The following NPHP1 variants were observed in gnomAD, a reference collection of about 807,000 sequenced individuals.
NPHP1 encodes the protein nephrocystin-1.
In NPHP1, 70 loss-of-function variants were observed where a neutral mutation model predicts 90.4. The ratio of observed to expected loss-of-function variants is 0.77; its 90% CI spans 0.64 to 0.95. NPHP1 has a LOEUF of 0.95. Ranked by LOEUF, NPHP1 falls within the 40% of genes least tolerant of loss-of-function variation. The pLI is 0.00. For missense variants in NPHP1, 764 were observed against 795.9 expected (o/e 0.96, Z 0.48); for synonymous variants, 256 against 271.7 (o/e 0.94, Z 0.57).
chr2:110,170,135 AAC>A (rs1216464681), intron 4 of NPHP1, 137 bp from the exon 5 acceptor site: 1 of 1,198,256 alleles, frequency 8.3e-7, no homozygotes, highest in Non-Finnish European at 1.2e-6. Flanking sequence ...AAATACAAAG[AAC>A]AGTTTCTACC....
In NPHP1 at chr2:110,169,837, G is replaced by T. The variant is rs1682989360; in HGVS notation, c.491C>A (p.Thr164Asn). ...TGTAAGATCTCCAACTTGCTGAGCAGTAAAATCTCCAACAGCGATGTATTC... is the reference window on the plus strand; with the variant it reads ...TGTAAGATCTCCAACTTGCTGAGCATTAAAATCTCCAACAGCGATGTATTC... Reference protein sequence around the residue: ...GEEYIAVGDFTAQQVGDLTFK... With the variant: ...GEEYIAVGDFNAQQVGDLTFK... Residue 164 changes from threonine (T) to asparagine (N), a missense_variant, in exon 5 of 20, where the codon ACT (threonine) becomes AAT (asparagine). Physicochemically the swap from Thr to Asn is moderately conservative, Grantham distance 65. Coordinates refer to ENST00000445609, the MANE Select transcript of NPHP1 (RefSeq NM_001128178.3). 6.2e-7 allele frequency: 1 copy of T among 1,613,542 alleles called. No homozygotes were observed. The highest frequency in any genetic ancestry group is 8.5e-7 in the Non-Finnish European group (1 of 1,179,602).
Position 110,180,648 on chromosome 2 carries a change from G to A in NPHP1, c.144-964C>T, listed in dbSNP as rs138643844. 4.8e-3 allele frequency among the ~76,000 whole-genome samples: 730 copies of A among 152,046 alleles called. 4 individuals carry two copies. Among genetic ancestry groups the A allele is most frequent in the Admixed American group, 7.9e-3 (121 of 15,294 alleles). On this transcript the variant is annotated intron_variant, in intron 2 of 19. Transcript: ENST00000445609. ...CAGGTTCTCACATTGAGACTGACAA[G>A]GCAAACACCTTGACCCATGAGAATG...
At chr2:110,184,712 A>G (rs1201227182) in intron 2 of NPHP1, 1 of 721,568 alleles carries the variant, frequency 1.4e-6, no homozygotes, top group Non-Finnish European at 2.6e-6. Context: ...TGAGTTTGAG[A>G]TTGTCAAGGC....
chr2:110,193,690 T>A (rs1442387285), intron 2 of NPHP1, among the ~76,000 whole-genome samples: 2 of 152,094 alleles, frequency 1.3e-5, no homozygotes, highest in African/African-American at 4.8e-5. Context: ...CCAACCCAAA[T>A]CAACAGAATA....
chr2:110,141,302 T>C (rs1680607187), intron 16 of NPHP1, among the ~76,000 whole-genome samples: 2 of 152,186 alleles, frequency 1.3e-5, no homozygotes, highest in African/African-American at 4.8e-5. Context: ...ATTGTGTTAG[T>C]TACCATGTGC....
At chr2:110,133,655 T>C (rs1679953297) in intron 16 of NPHP1, among the ~76,000 whole-genome samples, 1 of 152,038 alleles carries the variant, frequency 6.6e-6, no homozygotes, top group Non-Finnish European at 1.5e-5. Context: ...TTAATAAATT[T>C]AAAAATATTG....
At chr2:110,172,150 C>T (rs1432169707) in intron 4 of NPHP1, among the ~76,000 whole-genome samples, 1 of 152,052 alleles carries the variant, frequency 6.6e-6, no homozygotes, top group Non-Finnish European at 1.5e-5. Context: ...TTTAAAGAAA[C>T]TAATTTTATC....
intron 16 of NPHP1, among the ~76,000 whole-genome samples, chr2:110,136,744 C>A (rs540462852): frequency 6.6e-6 from 1 of 152,238 alleles, no homozygotes; most frequent in East Asian, 1.9e-4. Context: ...AATGGCTATA[C>A]CGCCCAAGGT....
chr2:110,196,502 A>T (rs570315904), intron 2 of NPHP1, among the ~76,000 whole-genome samples: 7 of 152,266 alleles, frequency 4.6e-5, no homozygotes, highest in African/African-American at 1.7e-4. Flanking sequence ...AAGTCAGGAA[A>T]CAACAAGTGC....
chr2:110,134,914 T>C (rs1680053897), intron 16 of NPHP1, among the ~76,000 whole-genome samples: 1 of 151,974 alleles, frequency 6.6e-6, no homozygotes, highest in African/African-American at 2.4e-5. Flanking sequence ...TCCTCTAAGA[T>C]AAGGAACAAG....
rs760962092 is a variant in NPHP1 at position 110,162,256 on chromosome 2, A to G, written c.860-559T>C. ...TTGAATGGGAGGAAAATTTTCTTAG[A>G]AAATAAGTAGACAAGCAAATAAATA... On this transcript the variant is annotated intron_variant, in intron 9 of 19. Coordinates refer to ENST00000445609, the MANE Select transcript of NPHP1 (RefSeq NM_001128178.3). Among the ~76,000 whole-genome samples, 43 of 152,156 alleles carry G rather than the reference A, an allele frequency of 2.8e-4. 1 individual carries two copies. Among genetic ancestry groups the G allele is most frequent in the Non-Finnish European group, 5.0e-4 (34 of 68,024 alleles).
chr2:110,169,101 C>T (rs1438836063), intron 5 of NPHP1, among the ~76,000 whole-genome samples: 1 of 151,844 alleles, frequency 6.6e-6, no homozygotes, highest in Non-Finnish European at 1.5e-5. Context: ...ATTTCCACCA[C>T]TAAGGACACT....
chr2:110,147,963 G>A lies in NPHP1; in HGVS notation c.1222C>T (p.Pro408Ser), dbSNP rs1411982234. Residue 408 changes from proline (P) to serine (S), a missense_variant, in exon 13 of 20, where the codon CCA (proline) becomes TCA (serine). Transcript: ENST00000445609. ...DCFIRSNSASPDLGILFELGI... is the reference protein window; with the variant it reads ...DCFIRSNSASSDLGILFELGI... ...AGTTCAAATAATATTCCAAGATCTG[G>A]AGATGCAGAATTAGACCTGATAAAG... is the stretch of plus-strand genomic sequence containing the variant. The A allele has an allele frequency of 6.2e-7, 1 of 1,610,748 alleles. No homozygotes were observed. Among genetic ancestry groups the A allele is most frequent in the Non-Finnish European group, 8.5e-7 (1 of 1,176,926 alleles).
intron 4 of NPHP1, among the ~76,000 whole-genome samples, chr2:110,171,886 T>A (rs6744318): frequency 0.068 from 10,383 of 152,224 alleles, 485 homozygotes; most frequent in African/African-American, 0.14. Flanking sequence ...AGTGTTCTTG[T>A]CATGTTTTGA....
At chr2:110,184,461 G>A in intron 2 of NPHP1, 1 of 751,370 alleles carries the variant, frequency 1.3e-6, no homozygotes. Context: ...CAATGTGCCT[G>A]CTATTTTCAT....
intron 6 of NPHP1, among the ~76,000 whole-genome samples, chr2:110,166,785 TA>T (rs777043630): frequency 1.1e-3 from 170 of 152,246 alleles, no homozygotes; most frequent in Non-Finnish European, 2.1e-3. Flanking sequence ...ACATAATCGA[TA>T]GTGATTATAG....
rs146460084 is a variant in NPHP1, at chr2:110,164,375, G to A, written c.771+313C>T. The A allele has an allele frequency of 2.4e-3, 1,554 of 649,010 alleles. 21 individuals carry two copies. The highest frequency in any genetic ancestry group is 0.018 in the African/African-American group (953 of 54,258). The allele number at this position is 649,010 out of a possible 1,614,324, so 40.2% of individuals were successfully genotyped here. A position where few individuals can be genotyped will look rare whatever the true frequency, so the allele number is the denominator to read the frequency against. On this transcript the variant is annotated intron_variant, in intron 8 of 19. Coordinates refer to ENST00000445609, the MANE Select transcript of NPHP1 (RefSeq NM_001128178.3). Reference sequence around the variant, plus strand: ...TTATTAAAGGCTTTCAGGATTTTTCGAATAGTAAATAAAATTTAACATCTG... The same window carrying A: ...TTATTAAAGGCTTTCAGGATTTTTCAAATAGTAAATAAAATTTAACATCTG...
Position 110,168,497 on chromosome 2 carries a change from C to T in NPHP1, c.579G>A (p.Lys193=). Residue 193 remains lysine (K), a synonymous_variant, in exon 6 of 20, where the codon AAG becomes AAA. Coordinates refer to ENST00000445609, the MANE Select transcript of NPHP1 (RefSeq NM_001128178.3). ...EKKPDGWWIA[K]DAKGNEGLVP... is the part of the protein sequence containing the mutation. ...CAAGACCTTCATTTCCTTTGGCATC[C>T]TTAGCTATCCACCAACCATCAGGTT... is the stretch of plus-strand genomic sequence containing the variant. The T allele has an allele frequency of 6.2e-7, 1 of 1,613,416 alleles. No homozygotes were observed. Among genetic ancestry groups the T allele is most frequent in the Non-Finnish European group, 8.5e-7 (1 of 1,179,580 alleles).
At chr2:110,131,532 C>T (rs1679774828) in intron 17 of NPHP1, 147 bp downstream of exon 17, 2 of 652,208 alleles carry the variant, frequency 3.1e-6, no homozygotes, top group Admixed American at 4.7e-5. Flanking sequence ...GAAGATGTCC[C>T]ATAAGTAATG....
Sources: allele counts gnomAD v4.1 joint callset (sites outside exome capture counted in the v4.1 genomes callset), GRCh38; gene constraint gnomAD v4.1.1; transcripts MANE v1.5; gene names NCBI Gene and HGNC (gene_info 2026-07-23, HGNC 2026-07-21).